Variants in MAPK9 observed in about 807,000 individuals in gnomAD.
MAPK9 encodes mitogen-activated protein kinase 9.
MAPK9 carries 30 observed loss-of-function variants against 57.1 expected under a neutral mutation model. That is an observed-to-expected ratio of 0.53 (90% CI 0.39 to 0.71). MAPK9 has a LOEUF of 0.71. MAPK9 is among the 30% of genes least tolerant of loss of function. MAPK9 has a pLI of 0.00. For synonymous variants in MAPK9, 155 were observed against 177.0 expected (o/e 0.88, Z 0.99); for missense variants, 362 against 521.0 (o/e 0.69, Z 2.97).
chr5:180,273,643 C>T lies in MAPK9; in HGVS notation c.123-4234G>A, dbSNP rs975999328. On this transcript the variant is annotated intron_variant, in intron 2 of 11. Transcript: ENST00000452135. ...ACTGGCTTGCCTTATATATTTACAG[C>T]AATTCAACTGACATTCACTTTTGTG... 1.1e-4 allele frequency among the ~76,000 whole-genome samples: 17 copies of T among 152,218 alleles called. 1 individual carries two copies. The highest frequency in any genetic ancestry group is 4.1e-4 in the African/African-American group (17 of 41,460).
At chr5:180,282,126 G>A (rs1294499421) in intron 1 of MAPK9, among the ~76,000 whole-genome samples, 1 of 152,230 alleles carries the variant, frequency 6.6e-6, no homozygotes, top group Non-Finnish European at 1.5e-5. Context: ...CCAAGGACAG[G>A]AGGACAGGAA....
rs746709857 is a variant in MAPK9 at position 180,249,158 on chromosome 5, A to C, written c.451-20T>G. ...CAAATCCTAGGAAAGAAATGGCTTA[A>C]ATTAGTAAAATGAATGAAGCATGCT... On this transcript the variant is annotated intron_variant, in intron 5 of 11. Coordinates refer to ENST00000452135, the MANE Select transcript of MAPK9 (RefSeq NM_002752.5). The C allele has an allele frequency of 1.3e-6, 2 of 1,596,108 alleles. No homozygotes were observed. Among genetic ancestry groups the C allele is most frequent in the Admixed American group, 3.5e-5 (2 of 57,442 alleles).
intron 4 of MAPK9, among the ~76,000 whole-genome samples, chr5:180,262,183 C>T (rs781708431): frequency 6.6e-6 from 1 of 152,050 alleles, no homozygotes; most frequent in Non-Finnish European, 1.5e-5. Context: ...ATGCTGAGAA[C>T]GGGGGAGGCT....
At chr5:180,279,346 G>T (rs1202230109) in intron 2 of MAPK9, among the ~76,000 whole-genome samples, 1 of 152,168 alleles carries the variant, frequency 6.6e-6, no homozygotes, top group African/African-American at 2.4e-5. Context: ...TTAGATGCAA[G>T]CTGGGCATTC....
intron 1 of MAPK9, among the ~76,000 whole-genome samples, chr5:180,283,801 T>C (rs1035467335): frequency 2.0e-5 from 3 of 152,104 alleles, no homozygotes; most frequent in Admixed American, 2.0e-4. Flanking sequence ...CCGGGTGTGG[T>C]AGTGCGTGCC....
chr5:180,233,278 ACTGG>A lies in MAPK9; in HGVS notation c.*3102_*3105del, dbSNP rs928124690. 7 of 152,228 alleles carry A rather than the reference ACTGG, an allele frequency of 4.6e-5. No homozygotes were observed. The highest frequency in any genetic ancestry group is 1.4e-4 in the African/African-American group (6 of 41,438). 9.4% of individuals were successfully genotyped at this position (152,228 alleles called of 1,614,324 possible). On this transcript the variant is annotated 3_prime_UTR_variant, in exon 12 of 12. Transcript: ENST00000452135. ...ACGTTAAGTAACATGACTAAGGCTG[ACTGG>A]TGAATTCTCCTGGCCACGCCTCATG...
chr5:180,272,488 C>T (rs1012941169), intron 2 of MAPK9, among the ~76,000 whole-genome samples: 1 of 152,190 alleles, frequency 6.6e-6, no homozygotes, highest in African/African-American at 2.4e-5. Flanking sequence ...AAGCTTCTCA[C>T]ACCCCCAACT....
chr5:180,290,767 C>T (rs917003402), intron 1 of MAPK9, among the ~76,000 whole-genome samples: 4 of 152,226 alleles, frequency 2.6e-5, no homozygotes, highest in African/African-American at 9.6e-5. Flanking sequence ...AGACAACAGG[C>T]AGGCTGGGCC....
chr5:180,289,176 C>T (rs1763024909), intron 1 of MAPK9, among the ~76,000 whole-genome samples: 1 of 152,144 alleles, frequency 6.6e-6, no homozygotes, highest in Non-Finnish European at 1.5e-5. Flanking sequence ...GGTTTACTCG[C>T]TATTAACTGG....
intron 1 of MAPK9, among the ~76,000 whole-genome samples, chr5:180,289,216 A>G (rs1405400487): frequency 2.0e-5 from 3 of 152,206 alleles, no homozygotes; most frequent in Non-Finnish European, 4.4e-5. Context: ...TATCCAGAAA[A>G]TTAAGAATAT....
At chr5:180,246,053 A>G (rs895214110) in intron 7 of MAPK9, 1 of 152,214 alleles carries the variant, frequency 6.6e-6, no homozygotes, top group Non-Finnish European at 1.5e-5. Context: ...AATTTTACTT[A>G]CTAAAATGCA....
intron 7 of MAPK9, among the ~76,000 whole-genome samples, chr5:180,245,124 C>T (rs1315460361): frequency 1.3e-5 from 2 of 152,196 alleles, no homozygotes; most frequent in East Asian, 1.9e-4. Flanking sequence ...GCTACCAGTC[C>T]TAGGCTTCAA....
At position 180,247,463 on chromosome 5, in the gene MAPK9, A is replaced by G. The variant is rs1202129236; in HGVS notation, c.664T>C (p.Cys222Arg). 2.5e-6 allele frequency: 4 copies of G among 1,614,092 alleles called. No individual in the cohort carries two copies. Among genetic ancestry groups the G allele is most frequent in the Non-Finnish European group, 3.4e-6 (4 of 1,180,044 alleles). ...GCIMGELVKG[C>R]VIFQGTDHID... The stretch of plus-strand genomic sequence containing the variant: ...CGGTCAGTGCCTTGGAATATCACAC[A>G]ACCTTTCACCAGCTCTCCCATGATG... Residue 222 changes from cysteine (C) to arginine (R), a missense_variant, in exon 7 of 12, where the codon TGT becomes CGT. Physicochemically the swap from Cys to Arg is radical, Grantham distance 180. Around this residue, in one of 3 missense-constraint regions of MAPK9, gnomAD observed 199 missense variants for 251.3 expected, o/e 0.79. Coordinates refer to ENST00000452135, the MANE Select transcript of MAPK9 (RefSeq NM_002752.5). The surrounding 1 kb of genome is among the most constrained non-coding windows in gnomAD (Gnocchi z 4.5).
intron 1 of MAPK9, among the ~76,000 whole-genome samples, chr5:180,290,915 C>G (rs1267306679): frequency 6.6e-6 from 1 of 152,090 alleles, no homozygotes; most frequent in East Asian, 1.9e-4. Flanking sequence ...GTCGGGGAGA[C>G]AGAAAATAAG....
chr5:180,251,961 T>C (rs1475963862), intron 5 of MAPK9, among the ~76,000 whole-genome samples: 1 of 152,072 alleles, frequency 6.6e-6, no homozygotes, highest in African/African-American at 2.4e-5. Context: ...TCCCCACAGG[T>C]ACCTGTGGCC....
At chr5:180,255,513 T>C (rs749861223) in intron 5 of MAPK9, among the ~76,000 whole-genome samples, 3 of 151,676 alleles carry the variant, frequency 2.0e-5, no homozygotes, top group Non-Finnish European at 4.4e-5. Flanking sequence ...AGATGCCTGA[T>C]GGAAGAGTTA....
intron 2 of MAPK9, chr5:180,280,116 A>G: frequency 2.1e-6 from 1 of 466,704 alleles, no homozygotes; most frequent in Non-Finnish European, 4.3e-6. Context: ...ATAAAACTCC[A>G]AATTTCTGTT....
Position 180,249,000 on chromosome 5 carries a change from T to C in MAPK9, c.589A>G (p.Ile197Val). The change falls in exon 6 of 12, where the codon ATC becomes GTC. Residue 197 changes from isoleucine (I) to valine (V), a missense_variant. Physicochemically the swap from Ile to Val is conservative, Grantham distance 29. Coordinates refer to ENST00000452135, the MANE Select transcript of MAPK9 (RefSeq NM_002752.5). The part of the protein sequence containing the change: ...VTRYYRAPEV[I>V]LGMGYKENVD... ...TTCTCTTTGTAGCCCATACCCAGGATGACTTCGGGCGCCCGGTAGTACCGT... is the reference window on the plus strand; with the variant it reads ...TTCTCTTTGTAGCCCATACCCAGGACGACTTCGGGCGCCCGGTAGTACCGT... 3.1e-6 allele frequency: 5 copies of C among 1,613,386 alleles called. No homozygotes were observed. The highest frequency in any genetic ancestry group is 3.4e-6 in the Non-Finnish European group (4 of 1,179,512).
At chr5:180,268,064 T>C (rs1760850112) in intron 3 of MAPK9, among the ~76,000 whole-genome samples, 1 of 152,144 alleles carries the variant, frequency 6.6e-6, no homozygotes, top group African/African-American at 2.4e-5. Context: ...GACGTCATGA[T>C]CCACCCGCCT....
Sources: gnomAD v4.1 joint callset for allele counts (sites outside exome capture counted in the v4.1 genomes callset) on GRCh38, gnomAD v4.1.1 for gene constraint, gnomAD v4.1.1 regional missense constraint, Gnocchi (gnomAD v3.1) non-coding constraint, MANE v1.5 for transcripts, NCBI Gene and HGNC (gene_info 2026-07-23, HGNC 2026-07-21) for gene names.